VIM: variants seen among roughly 807,000 people sequenced by gnomAD.
The protein encoded by VIM is epididymis secretory sperm binding protein.
Under a neutral mutation model 50.3 loss-of-function variants are expected in VIM, and 18 were observed. The observed-to-expected ratio is 0.36, with a 90% CI of 0.25 to 0.53. VIM has a LOEUF of 0.53. Ranked by LOEUF, VIM falls within the 20% of genes least tolerant of loss-of-function variation. VIM has a pLI of 0.91. For synonymous variants in VIM, 245 were observed against 248.5 expected (o/e 0.99, Z 0.13); for missense variants, 551 against 614.7 (o/e 0.90, Z 1.10).
chr10:17,236,000 A>G, intron 8 of VIM, 111 bp downstream of exon 8: 3 of 1,166,836 alleles, frequency 2.6e-6, no homozygotes, highest in Middle Eastern at 1.9e-4. Flanking sequence ...TATAAGAGAA[A>G]ACTCTATAAA....
intron 8 of VIM, 31 bp from the exon 9 acceptor site, chr10:17,236,263 T>G (rs1411606147): frequency 2.0e-6 from 3 of 1,531,392 alleles, no homozygotes; most frequent in Admixed American, 3.3e-5. Flanking sequence ...AAACTCGTTT[T>G]TACTCATTTT....
intron 8 of VIM, 165 bp downstream of exon 8, chr10:17,236,054 C>A (rs1026923555): frequency 9.7e-5 from 76 of 781,642 alleles, no homozygotes; most frequent in Middle Eastern, 2.6e-4. Context: ...GCATTCTATG[C>A]TTTAAGTTAA....
chr10:17,235,816 ATT>A (rs775457031), intron 7 of VIM, 28 bp from the exon 8 acceptor site: 1 of 1,611,366 alleles, frequency 6.2e-7, no homozygotes. Context: ...TTTGCCAACA[ATT>A]TTACTGTTTC....
chr10:17,230,469 C>A (rs1173808168), intron 2 of VIM, 181 bp from the exon 3 acceptor site: 1 of 759,760 alleles, frequency 1.3e-6, no homozygotes, highest in Admixed American at 1.8e-5. Context: ...CCCCTCTGCG[C>A]GGTGCCCGAA....
Position 17,229,307 on chromosome 10 carries a change from G to C in VIM, c.-116G>C. On this transcript the variant is annotated 5_prime_UTR_variant, in exon 2 of 10. Transcript: ENST00000544301. ...GCCACTCTCGCTCCGAGGTCCCCGC[G>C]CCAGAGACGCAGCCGCGCTCCCACC... 1.4e-5 allele frequency: 16 copies of C among 1,117,816 alleles called. No individual in the cohort carries two copies. The South Asian group carries it at 2.3e-4, about 16-fold the overall frequency. 69.2% of individuals were successfully genotyped at this position (1,117,816 alleles called of 1,614,324 possible).
At chr10:17,229,252 AAC>A in intron 1 of VIM, 22 bp from the exon 2 acceptor site, 1 of 658,340 alleles carries the variant, frequency 1.5e-6, no homozygotes, top group Non-Finnish European at 2.5e-6. Context: ...GGGTTATAAA[AAC>A]AGCGCCCTCG....
chr10:17,231,284 T>C (rs1028712570), intron 3 of VIM, among the ~76,000 whole-genome samples: 1 of 152,206 alleles, frequency 6.6e-6, no homozygotes, highest in African/African-American at 2.4e-5. Flanking sequence ...CTTTTCTTCT[T>C]TGCAAATTCT....
At position 17,236,094 on chromosome 10, in the gene VIM, G is replaced by C. The variant is rs1846884437; in HGVS notation, c.1274-200G>C. The C allele has an allele frequency of 2.5e-5, 18 of 713,978 alleles. No individual in the cohort carries two copies. In the South Asian group the frequency reaches 3.0e-4, roughly 12 times the overall value. 44.2% of individuals were successfully genotyped at this position (713,978 alleles called of 1,614,324 possible). A position where few individuals can be genotyped will look rare whatever the true frequency, so the allele number is the denominator to read the frequency against. On this transcript the variant is annotated intron_variant, in intron 8 of 9. Coordinates refer to ENST00000544301, the MANE Select transcript of VIM (RefSeq NM_003380.5). ...AAACTCCTTTTTCCTTCTTCCTGCTGCAAGTACTATCTCATCCTGATGCTC... is the reference window on the plus strand; with the variant it reads ...AAACTCCTTTTTCCTTCTTCCTGCTCCAAGTACTATCTCATCCTGATGCTC...
At chr10:17,232,062 A>C (rs931779519) in intron 3 of VIM, among the ~76,000 whole-genome samples, 1 of 152,228 alleles carries the variant, frequency 6.6e-6, no homozygotes, top group Non-Finnish European at 1.5e-5. Flanking sequence ...AGTTAACATA[A>C]AACAACATCA....
chr10:17,230,143 G>A (rs1420847255), intron 2 of VIM, 158 bp downstream of exon 2: 3 of 938,274 alleles, frequency 3.2e-6, no homozygotes, highest in African/African-American at 3.3e-5. Flanking sequence ...TGGCTGTGGT[G>A]GCGCAGCCCC....
At chr10:17,234,879 A>G (rs1200927901) in intron 6 of VIM, 61 bp downstream of exon 6, 2 of 1,610,340 alleles carry the variant, frequency 1.2e-6, no homozygotes, top group East Asian at 2.2e-5. Flanking sequence ...GACTAGGCTC[A>G]TGATGATACC....
chr10:17,235,394 G>A lies in VIM; in HGVS notation c.1229+5G>A, dbSNP rs1199978878. ...GCTGGAAGGCGAGGAGAGCAGGTAG[G>A]GAACTCAGACTTGGATGCGTGAACT... On this transcript the variant is annotated splice_donor_5th_base_variant and intron_variant, in intron 7 of 9. Coordinates refer to ENST00000544301, the MANE Select transcript of VIM (RefSeq NM_003380.5). 12 of 1,613,774 alleles carry A rather than the reference G, an allele frequency of 7.4e-6. No individual in the cohort carries two copies. The highest frequency in any genetic ancestry group is 2.7e-5 in the African/African-American group (2 of 74,930).
At chr10:17,233,989 C>T (rs750183167) in intron 5 of VIM, 58 bp downstream of exon 5, 19 of 1,561,238 alleles carry the variant, frequency 1.2e-5, no homozygotes, top group Non-Finnish European at 1.6e-5. Flanking sequence ...CTCAAAACCC[C>T]ATACCTGTGT....
intron 8 of VIM, 147 bp from the exon 9 acceptor site, chr10:17,236,147 C>A: frequency 3.8e-6 from 3 of 793,270 alleles, no homozygotes; most frequent in Non-Finnish European, 6.5e-6. Context: ...GGTTTCCAAA[C>A]AGAGACTACC....
At position 17,229,482 on chromosome 10, in the gene VIM, C is replaced by T. The variant is rs1363106467; in HGVS notation, c.60C>T (p.Thr20=). The T allele has an allele frequency of 1.9e-6, 3 of 1,606,290 alleles. No individual in the cohort carries two copies. Among genetic ancestry groups the T allele is most frequent in the Admixed American group, 3.3e-5 (2 of 59,846 alleles). ...SYRRMFGGPG[T]ASRPSSSRSY... is the part of the protein sequence containing the mutation. The stretch of plus-strand genomic sequence containing the variant: ...GCAGGATGTTCGGCGGCCCGGGCAC[C>T]GCGAGCCGGCCGAGCTCCAGCCGGA... The change falls in exon 2 of 10, where the codon ACC becomes ACT. Residue 20 remains threonine, a synonymous_variant. Transcript: ENST00000544301.
intron 2 of VIM, 60 bp downstream of exon 2, chr10:17,230,045 C>CA: frequency 1.3e-6 from 2 of 1,527,804 alleles, no homozygotes; most frequent in Non-Finnish European, 1.8e-6. Flanking sequence ...GAGAGGGGAA[C>CA]GCCCCCCCGG....
At chr10:17,234,101 T>C (rs192511593) in intron 5 of VIM, 170 bp downstream of exon 5, 69 of 672,426 alleles carry the variant, frequency 1.0e-4, no homozygotes, top group Non-Finnish European at 1.6e-4. Flanking sequence ...CATCACCTCC[T>C]TTATTTATTT....
Position 17,229,875 on chromosome 10 carries a change from G to A in VIM, c.453G>A (p.Glu151=). ...AGTCGCGCCTGGGGGACCTCTACGA[G>A]GAGGAGATGCGGGAGCTGCGCCGGC... The part of the protein sequence containing the change: ...QGKSRLGDLY[E]EEMRELRRQV... The change falls in exon 2 of 10, where the codon GAG becomes GAA. Residue 151 remains glutamate, a synonymous_variant. Coordinates refer to ENST00000544301, the MANE Select transcript of VIM (RefSeq NM_003380.5). The A allele has an allele frequency of 6.2e-7, 1 of 1,610,790 alleles. No homozygotes were observed. Among genetic ancestry groups the A allele is most frequent in the Non-Finnish European group, 8.5e-7 (1 of 1,178,834 alleles).
rs369136512 is a variant in VIM, at chr10:17,235,560, G to C, written c.1229+171G>C. Reference sequence around the variant, plus strand: ...ATTGAGAGAGAGTAAGTGACTTGCTGAAAAAGGGTTAATCAACAGCAGAGC... The same window carrying C: ...ATTGAGAGAGAGTAAGTGACTTGCTCAAAAAGGGTTAATCAACAGCAGAGC... On this transcript the variant is annotated intron_variant, in intron 7 of 9. Coordinates refer to ENST00000544301, the MANE Select transcript of VIM (RefSeq NM_003380.5). 2.0e-5 allele frequency: 16 copies of C among 803,420 alleles called. No individual in the cohort carries two copies. The African/African-American group carries it at 2.7e-4, about 14-fold the overall frequency. 49.8% of individuals were successfully genotyped at this position (803,420 alleles called of 1,614,324 possible).
Sources: allele counts gnomAD v4.1 joint callset (sites outside exome capture counted in the v4.1 genomes callset), GRCh38; gene constraint gnomAD v4.1.1; transcripts MANE v1.5; gene names NCBI Gene and HGNC (gene_info 2026-07-23, HGNC 2026-07-21).